KLF8: variants seen among roughly 807,000 people sequenced by gnomAD.
KLF8 encodes the protein KLF transcription factor 8, also known as Krueppel-like factor 8.
KLF8 carries 10 observed loss-of-function variants against 18.2 expected under a neutral mutation model. That is an observed-to-expected ratio of 0.55 (90% CI 0.34 to 0.93). KLF8 has a LOEUF of 0.93. Ranked by LOEUF, KLF8 falls within the 40% of genes least tolerant of loss-of-function variation. The pLI, the probability that KLF8 is intolerant of heterozygous loss-of-function variation, is 0.02. For missense variants in KLF8, 264 were observed against 277.9 expected, an observed-to-expected ratio of 0.95 and a Z score of 0.36; for synonymous variants, 109 against 97.3, an observed-to-expected ratio of 1.12 and a Z score of -0.71.
the KLF8 span, among the ~76,000 whole-genome samples, chrX:56,040,290 C>A: frequency 1.2e-4 from 13 of 111,626 alleles, no homozygotes; most frequent in East Asian, 3.4e-3. Context: ...AGAGGGCATC[C>A]TTTTCTCGTG....
the KLF8 span, among the ~76,000 whole-genome samples, chrX:56,119,548 C>T: frequency 9.1e-6 from 1 of 110,185 alleles, no homozygotes; most frequent in Admixed American, 9.7e-5. Context: ...GGACTAGAGG[C>T]GCATGCCACC....
At chrX:56,082,325 C>T in the KLF8 span, among the ~76,000 whole-genome samples, 3 of 111,073 alleles carry the variant, frequency 2.7e-5, no homozygotes, top group African/African-American at 9.8e-5. Context: ...TTTGTGATGT[C>T]AGTTACTTGT....
At chrX:56,063,957 G>C in the KLF8 span, among the ~76,000 whole-genome samples, 1 of 108,408 alleles carries the variant, frequency 9.2e-6, no homozygotes, top group Non-Finnish European at 1.9e-5. Context: ...TCACTTCCAG[G>C]TTTATGACCT....
the KLF8 span, among the ~76,000 whole-genome samples, chrX:55,924,219 A>G: frequency 9.1e-6 from 1 of 110,472 alleles, no homozygotes; most frequent in African/African-American, 3.3e-5. Context: ...ACAGGTGCCC[A>G]CCACCACACC....
At chrX:56,107,100 G>T in the KLF8 span, among the ~76,000 whole-genome samples, 1 of 111,556 alleles carries the variant, frequency 9.0e-6, no homozygotes, top group African/African-American at 3.3e-5. Context: ...CTTTATCCCA[G>T]AGGGGCACCC....
At chrX:56,021,587 T>G in the KLF8 span, among the ~76,000 whole-genome samples, 1 of 105,140 alleles carries the variant, frequency 9.5e-6, no homozygotes, top group East Asian at 2.9e-4. Flanking sequence ...GACCCGCTCT[T>G]TTTTTTTTTT....
chrX:55,932,118 G>A, the KLF8 span, among the ~76,000 whole-genome samples: 4 of 110,951 alleles, frequency 3.6e-5, no homozygotes, highest in Admixed American at 2.9e-4. Context: ...TTACCATTAT[G>A]TAATGGCCTT....
the KLF8 span, among the ~76,000 whole-genome samples, chrX:56,076,119 C>T: frequency 9.2e-6 from 1 of 108,240 alleles, no homozygotes; most frequent in South Asian, 3.9e-4. Context: ...TCATCCATGT[C>T]CCTACAAAGG....
the KLF8 span, among the ~76,000 whole-genome samples, chrX:56,066,372 C>A: frequency 8.9e-6 from 1 of 112,044 alleles, no homozygotes; most frequent in Non-Finnish European, 1.9e-5. Context: ...GCTCTCAGGC[C>A]CCTCAGTGGT....
the KLF8 span, among the ~76,000 whole-genome samples, chrX:56,088,519 G>A: frequency 9.0e-6 from 1 of 111,559 alleles, no homozygotes; most frequent in Non-Finnish European, 1.9e-5. Context: ...AATCTTCTGA[G>A]CTCATAAGGC....
At chrX:56,186,754 A>T in the KLF8 span, among the ~76,000 whole-genome samples, 2 of 112,296 alleles carry the variant, frequency 1.8e-5, no homozygotes, top group Admixed American at 1.9e-4. Context: ...ATGGAAACTG[A>T]ACAACCTGCT....
the KLF8 span, among the ~76,000 whole-genome samples, chrX:56,038,060 G>A: frequency 2.7e-4 from 30 of 111,224 alleles, no homozygotes; most frequent in Admixed American, 6.7e-4. Context: ...TAGATACTGC[G>A]AATAAATGAG....
chrX:55,989,142 C>G, the KLF8 span, among the ~76,000 whole-genome samples: 9,524 of 111,639 alleles, frequency 0.085, 999 homozygotes, highest in African/African-American at 0.3. Context: ...AACATGTCGT[C>G]TGCAAACAGG....
chrX:55,979,343 G>C, the KLF8 span, among the ~76,000 whole-genome samples: 2 of 111,664 alleles, frequency 1.8e-5, no homozygotes, highest in African/African-American at 6.5e-5. Context: ...CTGCATCCTA[G>C]TTGCTTAACA....
At chrX:56,272,313 C>A (rs2067067928) in intron 5 of KLF8, among the ~76,000 whole-genome samples, 1 of 110,644 alleles carries the variant, frequency 9.0e-6, no homozygotes, top group African/African-American at 3.3e-5. Context: ...TGGGTTCAAG[C>A]GATTCTCATG....
chrX:55,926,261 C>G, the KLF8 span, among the ~76,000 whole-genome samples: 1 of 111,352 alleles, frequency 9.0e-6, no homozygotes, highest in Non-Finnish European at 1.9e-5. Flanking sequence ...TCTGAGGAAA[C>G]TTTAGAGGAA....
the KLF8 span, among the ~76,000 whole-genome samples, chrX:56,172,350 T>C: frequency 9.0e-6 from 1 of 111,146 alleles, no homozygotes; most frequent in African/African-American, 3.3e-5. Context: ...AGTGAGAACA[T>C]GCACTGTTTG....
intron 5 of KLF8, among the ~76,000 whole-genome samples, chrX:56,281,347 T>C (rs2067198443): frequency 8.9e-6 from 1 of 111,973 alleles, no homozygotes; most frequent in Admixed American, 9.5e-5. Context: ...AACCTGCCCA[T>C]ACCTCCATAT....
chrX:56,187,371 G>A, the KLF8 span, among the ~76,000 whole-genome samples: 54 of 111,787 alleles, frequency 4.8e-4, no homozygotes, highest in Non-Finnish European at 8.7e-4. Flanking sequence ...TGAAATTGTG[G>A]CAATAATCAA....
Sources: allele counts gnomAD v4.1 joint callset (sites outside exome capture counted in the v4.1 genomes callset), GRCh38; gene constraint gnomAD v4.1.1; transcripts MANE v1.5; gene names NCBI Gene and HGNC (gene_info 2026-07-23, HGNC 2026-07-21).